PHLDB2: variants seen among roughly 807,000 people sequenced by gnomAD.
PHLDB2 encodes pleckstrin homology-like domain family B member 2.
Under a neutral mutation model 123.6 loss-of-function variants are expected in PHLDB2, and 71 were observed. The observed-to-expected ratio is 0.57, with a 90% CI of 0.47 to 0.70. The LOEUF is 0.70. PHLDB2 is among the 30% of genes least tolerant of loss of function. The pLI is 0.00. For missense variants in PHLDB2, 1,446 were observed against 1,519.5 expected, an observed-to-expected ratio of 0.95 and a Z score of 0.80; for synonymous variants, 547 against 541.6, an observed-to-expected ratio of 1.01 and a Z score of -0.14.
chr3:111,974,612 C>A lies in PHLDB2; in HGVS notation c.*49C>A. The A allele has an allele frequency of 1.3e-6, 2 of 1,527,262 alleles. No homozygotes were observed. Among genetic ancestry groups the A allele is most frequent in the Non-Finnish European group, 1.8e-6 (2 of 1,133,352 alleles). 94.6% of individuals were successfully genotyped at this position (1,527,262 alleles called of 1,614,324 possible). A position where few individuals can be genotyped will look rare whatever the true frequency, so the allele number is the denominator to read the frequency against. On this transcript the variant is annotated 3_prime_UTR_variant, in exon 18 of 18. Coordinates refer to ENST00000431670, the MANE Select transcript of PHLDB2 (RefSeq NM_001134438.2). ...CAGGGCAGACGGCAATAATCTCTTA[C>A]AAGAATGAAGCCATATTCAACCCCA...
Position 111,957,288 on chromosome 3 carries a change from C to G in PHLDB2, c.2872+3259C>G, listed in dbSNP as rs145625898. The G allele has an allele frequency of 1.1e-3, 170 of 152,668 alleles. 1 individual carries two copies. Among genetic ancestry groups the G allele is most frequent in the African/African-American group, 4.0e-3 (165 of 41,542 alleles). 9.5% of individuals were successfully genotyped at this position (152,668 alleles called of 1,614,324 possible). On this transcript the variant is annotated intron_variant, in intron 12 of 17. Coordinates refer to ENST00000431670, the MANE Select transcript of PHLDB2 (RefSeq NM_001134438.2). Reference sequence around the variant, plus strand: ...CCTTGTGTGGTGTTTTTGTTTCCAGCAAATATTGAAAGGTCATTGTCAAGT... The same window carrying G: ...CCTTGTGTGGTGTTTTTGTTTCCAGGAAATATTGAAAGGTCATTGTCAAGT...
chr3:111,895,477 A>C lies in PHLDB2; in HGVS notation c.1335+10065A>C, dbSNP rs533351624. On this transcript the variant is annotated intron_variant, in intron 2 of 17. Coordinates refer to ENST00000431670, the MANE Select transcript of PHLDB2 (RefSeq NM_001134438.2). ...TGAACACTTGTTTCTTAAATAAGAA[A>C]TAAAGATCATAAATAAAATTTGTAG... Among the ~76,000 whole-genome samples the C allele has an allele frequency of 2.6e-5, 4 of 152,380 alleles. No individual in the cohort carries two copies. In the East Asian group the frequency reaches 7.7e-4, roughly 29 times the overall value.
chr3:111,949,060 G>C lies in PHLDB2; in HGVS notation c.2616G>C (p.Gln872His). 1 of 1,613,810 alleles carries C rather than the reference G, an allele frequency of 6.2e-7. No homozygotes were observed. Among genetic ancestry groups the C allele is most frequent in the Non-Finnish European group, 8.5e-7 (1 of 1,179,944 alleles). Residue 872 changes from glutamine (Q) to histidine (H), a missense_variant, in exon 10 of 18, where the codon CAG becomes CAC. By Grantham distance (24) the Gln-to-His change is conservative (BLOSUM62 0). Coordinates refer to ENST00000431670, the MANE Select transcript of PHLDB2 (RefSeq NM_001134438.2). ...TEPATAVLAS[Q>H]PQSKEHFRSL... is the part of the protein sequence containing the mutation. Reference sequence around the variant, plus strand: ...CTGCCACAGCTGTGCTGGCGAGCCAGCCACAGAGTAAAGAGGTGTGTAGGC... The same window carrying C: ...CTGCCACAGCTGTGCTGGCGAGCCACCCACAGAGTAAAGAGGTGTGTAGGC...
chr3:111,768,023 G>C (rs1576545484), intron 1 of PHLDB2, among the ~76,000 whole-genome samples: 1 of 152,132 alleles, frequency 6.6e-6, no homozygotes, highest in Non-Finnish European at 1.5e-5. Flanking sequence ...AACAGAATCA[G>C]AGAGAGGGAT....
At chr3:111,961,126 A>G (rs748504048) in intron 12 of PHLDB2, among the ~76,000 whole-genome samples, 3 of 152,150 alleles carry the variant, frequency 2.0e-5, no homozygotes, top group Non-Finnish European at 2.9e-5. Context: ...AGGTCAAGAG[A>G]TCAGGATAAT....
chr3:111,939,360 C>G, intron 6 of PHLDB2, 115 bp from the exon 7 acceptor site: 1 of 1,068,358 alleles, frequency 9.4e-7, no homozygotes, highest in South Asian at 1.6e-5. Flanking sequence ...TAACCCTGGT[C>G]AATATTGTAA....
intron 1 of PHLDB2, among the ~76,000 whole-genome samples, chr3:111,742,358 C>T (rs1374110085): frequency 6.6e-6 from 1 of 152,028 alleles, no homozygotes; most frequent in African/African-American, 2.4e-5. Context: ...ATGTGCACAA[C>T]GTGCAGGTTT....
At chr3:111,961,980 A>C in intron 12 of PHLDB2, 128 bp from the exon 13 acceptor site, 1 of 878,064 alleles carries the variant, frequency 1.1e-6, no homozygotes, top group Non-Finnish European at 1.8e-6. Flanking sequence ...CTTGGCTTCA[A>C]AACAAATTAG....
intron 1 of PHLDB2, among the ~76,000 whole-genome samples, chr3:111,777,872 C>T (rs1251910030): frequency 6.6e-6 from 1 of 151,558 alleles, no homozygotes; most frequent in Non-Finnish European, 1.5e-5. Flanking sequence ...CTGTTTTACC[C>T]CAGTATAGAT....
At chr3:111,783,179 G>C (rs2060546390) in intron 1 of PHLDB2, among the ~76,000 whole-genome samples, 1 of 152,044 alleles carries the variant, frequency 6.6e-6, no homozygotes, top group Non-Finnish European at 1.5e-5. Context: ...TCAAGGTCAT[G>C]GGAAAATCTT....
intron 12 of PHLDB2, among the ~76,000 whole-genome samples, chr3:111,959,185 G>A (rs1352172514): frequency 6.6e-6 from 1 of 152,234 alleles, no homozygotes; most frequent in Admixed American, 6.5e-5. Flanking sequence ...CCAGGCCAGA[G>A]CCTGAATCCC....
chr3:111,754,400 C>A, intron 1 of PHLDB2, among the ~76,000 whole-genome samples: 1 of 131,560 alleles, frequency 7.6e-6, no homozygotes, highest in African/African-American at 3.0e-5. Flanking sequence ...GTATTTTATT[C>A]TCTTTGAAGC....
At chr3:111,964,506 ATT>A (rs529646565) in intron 13 of PHLDB2, among the ~76,000 whole-genome samples, 2 of 143,562 alleles carry the variant, frequency 1.4e-5, no homozygotes, top group African/African-American at 2.5e-5. Flanking sequence ...CACCTGGCTA[ATT>A]TTTTTTTTTT....
At chr3:111,911,336 G>A (rs1487720667) in intron 2 of PHLDB2, among the ~76,000 whole-genome samples, 2 of 152,200 alleles carry the variant, frequency 1.3e-5, no homozygotes, top group East Asian at 1.9e-4. Context: ...TACCTAAGTG[G>A]CAGAAAAAGA....
At chr3:111,814,039 C>G (rs1380734190) in intron 1 of PHLDB2, among the ~76,000 whole-genome samples, 4 of 152,192 alleles carry the variant, frequency 2.6e-5, no homozygotes, top group African/African-American at 9.6e-5. Flanking sequence ...GAACATAAGT[C>G]TCCTTCAAAT....
intron 1 of PHLDB2, among the ~76,000 whole-genome samples, chr3:111,780,411 A>AGG (rs61182634): frequency 3.1e-5 from 4 of 130,722 alleles, no homozygotes; most frequent in East Asian, 2.0e-4. Context: ...AAGAAGAAGA[A>AGG]AAAGATTAGT....
intron 1 of PHLDB2, chr3:111,778,275 T>C (rs1249624775): frequency 1.3e-5 from 2 of 151,946 alleles, no homozygotes; most frequent in Non-Finnish European, 2.9e-5. Flanking sequence ...TAGGGAAATG[T>C]GGACACAAGC....
In PHLDB2 at chr3:111,814,929, A is replaced by G. The variant is rs115982267; in HGVS notation, c.-48-30892A>G. Reference sequence around the variant, plus strand: ...TTGAATTATAACTTCCACAGTTCCCACGTAGTGTGGGAGGAACCTGGTGGG... The same window carrying G: ...TTGAATTATAACTTCCACAGTTCCCGCGTAGTGTGGGAGGAACCTGGTGGG... On this transcript the variant is annotated intron_variant, in intron 1 of 17. Transcript: ENST00000393923. 9.9e-3 allele frequency among the ~76,000 whole-genome samples: 1,502 copies of G among 152,282 alleles called. 19 individuals are homozygous for G. The highest frequency in any genetic ancestry group is 0.037 in the South Asian group (177 of 4,816).
intron 6 of PHLDB2, among the ~76,000 whole-genome samples, chr3:111,938,850 T>C (rs2069677190): frequency 1.3e-5 from 2 of 152,204 alleles, no homozygotes; most frequent in African/African-American, 4.8e-5. Flanking sequence ...AGTTTCACCC[T>C]TGTCGCCCAG....
Sources: allele counts gnomAD v4.1 joint callset (sites outside exome capture counted in the v4.1 genomes callset), GRCh38; gene constraint gnomAD v4.1.1; transcripts MANE v1.5; gene names NCBI Gene and HGNC (gene_info 2026-07-23, HGNC 2026-07-21).